GDPD4: variants seen among roughly 807,000 people sequenced by gnomAD.
GDPD4 encodes glycerophosphodiester phosphodiesterase 6.
Under a neutral mutation model 67.8 loss-of-function variants are expected in GDPD4, and 60 were observed. The observed-to-expected ratio is 0.88, with a 90% CI of 0.72 to 1.10. The LOEUF (loss-of-function observed/expected upper bound fraction) is 1.10, where lower values mean the gene tolerates loss of function less well. GDPD4 is among the 50% of genes least tolerant of loss of function. GDPD4 has a pLI of 0.00. For synonymous variants in GDPD4, 212 were observed against 210.9 expected, an observed-to-expected ratio of 1.00 and a Z score of -0.04; for missense variants, 623 against 613.9, an observed-to-expected ratio of 1.01 and a Z score of -0.16.
chr11:77,235,007 C>CTTTTTTTTTTTTT (rs1406558580), intron 13 of GDPD4, among the ~76,000 whole-genome samples: 8 of 32,914 alleles, frequency 2.4e-4, no homozygotes, highest in Non-Finnish European at 5.2e-4. Flanking sequence ...TTGTCAATAT[C>CTTTTTTTTTTTTT]TGTTTTTTTT....
rs1958972006 is a variant in GDPD4, at chr11:77,254,733, A to G, written c.864+3653T>C. 2.6e-5 allele frequency among the ~76,000 whole-genome samples: 4 copies of G among 152,222 alleles called. No homozygotes were observed. In the South Asian group the frequency reaches 8.3e-4, roughly 32 times the overall value. On this transcript the variant is annotated intron_variant, in intron 11 of 16. Coordinates refer to ENST00000315938, the MANE Select transcript of GDPD4 (RefSeq NM_182833.3). ...GAAACAGGAATTCAGTTTAGCTTCC[A>G]GTATCAACTCCCAGAATGTCTGTAT...
chr11:77,253,484 T>G (rs1958946440), intron 11 of GDPD4, among the ~76,000 whole-genome samples: 1 of 152,180 alleles, frequency 6.6e-6, no homozygotes, highest in South Asian at 2.1e-4. Context: ...TGGCACTATC[T>G]CAGCAGCTTA....
At chr11:77,299,214 T>C (rs1938081438) in intron 1 of GDPD4, among the ~76,000 whole-genome samples, 1 of 152,100 alleles carries the variant, frequency 6.6e-6, no homozygotes, top group South Asian at 2.1e-4. Flanking sequence ...TAGAATACCA[T>C]CAGCATCCCG....
At chr11:77,249,389 C>T (rs1427665039) in intron 11 of GDPD4, among the ~76,000 whole-genome samples, 2 of 151,996 alleles carry the variant, frequency 1.3e-5, no homozygotes, top group Admixed American at 6.6e-5. Flanking sequence ...AATTACAGCT[C>T]ATATGAACGT....
At chr11:77,261,427 G>A (rs529299621) in intron 10 of GDPD4, among the ~76,000 whole-genome samples, 1 of 151,556 alleles carries the variant, frequency 6.6e-6, no homozygotes, top group African/African-American at 2.4e-5. Context: ...TAGTAGAGAT[G>A]GGGTTTCACC....
At chr11:77,233,648 T>C (rs919697245) in intron 13 of GDPD4, among the ~76,000 whole-genome samples, 1 of 152,148 alleles carries the variant, frequency 6.6e-6, no homozygotes, top group Non-Finnish European at 1.5e-5. Flanking sequence ...AGCACCTATA[T>C]ACTCGCTTCT....
chr11:77,271,386 A>G lies in GDPD4; in HGVS notation c.215T>C (p.Ile72Thr). ...GACACACAGAAGAATCACTAGCAGA[A>G]TCAGGATCTAGGGAAACAGAAAAAA... ...LYLHLCHKIL[I>T]LLVILLCVIL... Residue 72 changes from isoleucine (I) to threonine (T), a missense_variant, in exon 6 of 17, where the codon ATT becomes ACT. By Grantham distance (89) the Ile-to-Thr change is moderately conservative (BLOSUM62 -1). Coordinates refer to ENST00000315938, the MANE Select transcript of GDPD4 (RefSeq NM_182833.3). 2 of 1,608,400 alleles carry G rather than the reference A, an allele frequency of 1.2e-6. No individual in the cohort carries two copies. Among genetic ancestry groups the G allele is most frequent in the Non-Finnish European group, 1.7e-6 (2 of 1,175,040 alleles).
chr11:77,236,730 AC>A (rs1230038632), intron 13 of GDPD4, among the ~76,000 whole-genome samples: 43 of 140,990 alleles, frequency 3.0e-4, no homozygotes, highest in Admixed American at 1.2e-3. Context: ...CAAGAAGGAA[AC>A]ACACACACAC....
intron 10 of GDPD4, among the ~76,000 whole-genome samples, chr11:77,261,914 C>T (rs1959126526): frequency 6.6e-6 from 1 of 152,192 alleles, no homozygotes; most frequent in Non-Finnish European, 1.5e-5. Flanking sequence ...CCAGGCAGTT[C>T]TGAATAATTA....
chr11:77,229,740 CAGCA>C, intron 14 of GDPD4, among the ~76,000 whole-genome samples: 1 of 152,308 alleles, frequency 6.6e-6, no homozygotes, highest in East Asian at 1.9e-4. Context: ...GTCTGTAAGC[CAGCA>C]TTTGGGAACC....
At chr11:77,241,638 T>TAAA (rs36036994) in intron 13 of GDPD4, among the ~76,000 whole-genome samples, 1,738 of 60,638 alleles carry the variant, frequency 0.029, 88 homozygotes, top group African/African-American at 0.057. Flanking sequence ...ACCCTGTCTT[T>TAAA]AAAAAAAAAA....
chr11:77,276,531 T>TTC (rs1201653981), intron 4 of GDPD4, among the ~76,000 whole-genome samples: 5 of 152,192 alleles, frequency 3.3e-5, no homozygotes, highest in Admixed American at 1.3e-4. Flanking sequence ...TGATACTCAG[T>TTC]TGAGTTCCTG....
At position 77,216,697 on chromosome 11, in the gene GDPD4, A is replaced by AGAT. The variant is rs1416949614; in HGVS notation, c.*577_*579dup. ...AGTTTTCCCCTTGCCTAGCCCCTTG[A>AGAT]GATGCATTCTTGATAGCGAGAGCAC... is the stretch of plus-strand genomic sequence containing the variant. On this transcript the variant is annotated 3_prime_UTR_variant, in exon 17 of 17. Coordinates refer to ENST00000315938, the MANE Select transcript of GDPD4 (RefSeq NM_182833.3). 1.1e-5 allele frequency: 6 copies of AGAT among 559,316 alleles called. No individual in the cohort carries two copies. The East Asian group carries it at 1.8e-4, about 17-fold the overall frequency. The allele number at this position is 559,316 out of a possible 1,614,324, so 34.6% of individuals were successfully genotyped here.
At chr11:77,232,105 G>T (rs937338106) in intron 14 of GDPD4, among the ~76,000 whole-genome samples, 1 of 152,210 alleles carries the variant, frequency 6.6e-6, no homozygotes, top group African/African-American at 2.4e-5. Context: ...AGGCTTCTCT[G>T]ACAAAGGCTT....
chr11:77,228,530 T>TAAAAAAAA (rs1958390375), intron 15 of GDPD4, among the ~76,000 whole-genome samples: 2 of 64,368 alleles, frequency 3.1e-5, no homozygotes, highest in African/African-American at 1.2e-4. Context: ...AAAAAAAAAT[T>TAAAAAAAA]AGCCAGGCAC....
rs116063272 is a variant in GDPD4, at chr11:77,227,609, G to C, written c.1525+255C>G. ...GCTGTATGATACATGAATATATGAA[G>C]AAGTAAACACCCATGCTTGAAATCT... is the stretch of plus-strand genomic sequence containing the variant. On this transcript the variant is annotated intron_variant, in intron 16 of 16. Transcript: ENST00000315938. 9.7e-3 allele frequency among the ~76,000 whole-genome samples: 1,470 copies of C among 152,296 alleles called. 30 individuals carry two copies. The highest frequency in any genetic ancestry group is 0.034 in the African/African-American group (1,401 of 41,558).
intron 1 of GDPD4, among the ~76,000 whole-genome samples, chr11:77,290,501 C>T (rs1240316546): frequency 1.3e-5 from 2 of 151,696 alleles, no homozygotes; most frequent in African/African-American, 4.8e-5. Context: ...ATTATTTTAA[C>T]AACTTGGTCC....
chr11:77,282,128 T>A (rs767864808), intron 3 of GDPD4, among the ~76,000 whole-genome samples: 12 of 152,232 alleles, frequency 7.9e-5, no homozygotes, highest in Non-Finnish European at 1.5e-4. Flanking sequence ...GAAGAAGTTA[T>A]AAGTATATGA....
At chr11:77,247,603 T>C (rs1214042338) in intron 11 of GDPD4, among the ~76,000 whole-genome samples, 2 of 152,184 alleles carry the variant, frequency 1.3e-5, no homozygotes, top group African/African-American at 4.8e-5. Flanking sequence ...AGTAACAAGC[T>C]AGAAATGAAA....
Sources: gnomAD v4.1 joint callset for allele counts (sites outside exome capture counted in the v4.1 genomes callset) on GRCh38, gnomAD v4.1.1 for gene constraint, MANE v1.5 for transcripts, NCBI Gene and HGNC (gene_info 2026-07-23, HGNC 2026-07-21) for gene names.